HMGA2: variants seen among roughly 807,000 people sequenced by gnomAD.
HMGA2 encodes the protein high mobility group AT-hook 2.
HMGA2 carries 8 observed loss-of-function variants against 19.1 expected under a neutral mutation model. The observed-to-expected ratio is 0.42, with a 90% CI of 0.25 to 0.76. HMGA2 has a LOEUF of 0.76. Ranked by LOEUF, HMGA2 falls within the 30% of genes least tolerant of loss-of-function variation. The pLI, the probability that HMGA2 is intolerant of heterozygous loss-of-function variation, is 0.28. For missense variants in HMGA2, 109 were observed against 136.3 expected, an observed-to-expected ratio of 0.80 and a Z score of 1.00; for synonymous variants, 60 against 48.8, an observed-to-expected ratio of 1.23 and a Z score of -0.96.
At chr12:65,880,757 T>C (rs987381094) in intron 3 of HMGA2, among the ~76,000 whole-genome samples, 1 of 152,136 alleles carries the variant, frequency 6.6e-6, no homozygotes, top group Non-Finnish European at 1.5e-5. Context: ...GGAGTCTAGG[T>C]CTTGGGGTTT....
At chr12:65,946,174 A>G (rs1876257243) in intron 3 of HMGA2, among the ~76,000 whole-genome samples, 1 of 152,188 alleles carries the variant, frequency 6.6e-6, no homozygotes. Context: ...TAGCTAGAAG[A>G]TCTGTCTTAT....
intron 3 of HMGA2, among the ~76,000 whole-genome samples, chr12:65,916,245 A>AT: frequency 6.6e-6 from 1 of 152,206 alleles, no homozygotes; most frequent in Admixed American, 6.5e-5. Flanking sequence ...AGGTATTCTT[A>AT]CATTCATCTC....
intron 3 of HMGA2, chr12:65,914,975 T>TA: frequency 6.9e-6 from 11 of 1,587,054 alleles, no homozygotes; most frequent in Non-Finnish European, 9.5e-6. Context: ...GTGCCTGGTC[T>TA]AAAAAATGTC....
chr12:65,836,270 A>C (rs1237011942), intron 2 of HMGA2, among the ~76,000 whole-genome samples: 1 of 152,032 alleles, frequency 6.6e-6, no homozygotes, highest in Non-Finnish European at 1.5e-5. Flanking sequence ...GAGGCAGGAG[A>C]ATGGAGTGAA....
At chr12:65,829,211 A>C (rs892033711) in intron 2 of HMGA2, among the ~76,000 whole-genome samples, 43 of 152,128 alleles carry the variant, frequency 2.8e-4, no homozygotes, top group African/African-American at 1.0e-3. Context: ...ATATAAAGTT[A>C]TTTAGGAAGT....
rs181133325 is a variant in HMGA2 at position 65,916,645 on chromosome 12, T to A, written c.250-34738T>A. ...GGATGTGCAGGATGCCCCAAGAAGC[T>A]TTTCCTGTTTACTACTTTTTTGAGT... On this transcript the variant is annotated intron_variant, in intron 3 of 4. Coordinates refer to ENST00000403681, the MANE Select transcript of HMGA2 (RefSeq NM_003483.6). Among the ~76,000 whole-genome samples, 24 of 152,334 alleles carry A rather than the reference T, an allele frequency of 1.6e-4. No homozygotes were observed. In the East Asian group the frequency reaches 3.1e-3, roughly 20 times the overall value.
chr12:65,830,710 A>G (rs1157787120), intron 2 of HMGA2: 2 of 151,978 alleles, frequency 1.3e-5, no homozygotes, highest in African/African-American at 4.8e-5. Flanking sequence ...GAAAATTAAC[A>G]GTGTGAAACT....
chr12:65,869,476 A>G (rs1213210359), intron 3 of HMGA2, among the ~76,000 whole-genome samples: 2 of 152,308 alleles, frequency 1.3e-5, no homozygotes, highest in Middle Eastern at 3.4e-3. Context: ...AAAGTCAAAG[A>G]GGGTGCTGTC....
chr12:65,829,105 T>C (rs1025919807), intron 2 of HMGA2: 2 of 152,176 alleles, frequency 1.3e-5, no homozygotes, highest in African/African-American at 4.8e-5. Context: ...AAGGACTATA[T>C]GCTCATCGTT....
intron 3 of HMGA2, among the ~76,000 whole-genome samples, chr12:65,938,995 A>G (rs565922798): frequency 5.3e-5 from 8 of 152,322 alleles, no homozygotes; most frequent in African/African-American, 1.7e-4. Context: ...GCACTCTTTT[A>G]TGAGATATAT....
At chr12:65,828,187 C>A in intron 2 of HMGA2, 100 bp downstream of exon 2, 1 of 861,074 alleles carries the variant, frequency 1.2e-6, no homozygotes. Flanking sequence ...AGGAATTTGT[C>A]CCAACTGGGT....
In HMGA2 at chr12:65,840,480, A is replaced by G. The variant is rs139737979; in HGVS notation, c.249+1911A>G. 9.8e-5 allele frequency among the ~76,000 whole-genome samples: 15 copies of G among 152,294 alleles called. No homozygotes were observed. In the East Asian group the frequency reaches 2.5e-3, roughly 25 times the overall value. On this transcript the variant is annotated intron_variant, in intron 3 of 4. Transcript: ENST00000403681. ...GGAGTGCGTGCACTGGATCACCCAT[A>G]CATGGCCTCCCCAGGATAATCAGGC...
At chr12:65,950,151 C>G (rs1324154782) in intron 3 of HMGA2, among the ~76,000 whole-genome samples, 1 of 152,168 alleles carries the variant, frequency 6.6e-6, no homozygotes, top group Non-Finnish European at 1.5e-5. Flanking sequence ...TGTCTGGCAG[C>G]TCCTCAAAAA....
At chr12:65,860,587 G>T (rs1013311753) in intron 3 of HMGA2, among the ~76,000 whole-genome samples, 2 of 152,156 alleles carry the variant, frequency 1.3e-5, no homozygotes, top group Non-Finnish European at 2.9e-5. Context: ...TAGGACTGTG[G>T]TATACAGTAA....
In HMGA2 at chr12:65,935,027, C is replaced by T. The variant is rs544490900; in HGVS notation, c.250-16356C>T. The T allele has an allele frequency of 2.6e-5, 4 of 152,370 alleles. No individual in the cohort carries two copies. The South Asian group carries it at 8.3e-4, about 32-fold the overall frequency. The allele number at this position is 152,370 out of a possible 1,614,324, so 9.4% of individuals were successfully genotyped here. A position where few individuals can be genotyped will look rare whatever the true frequency, so the allele number is the denominator to read the frequency against. On this transcript the variant is annotated intron_variant, in intron 3 of 4. Transcript: ENST00000403681. ...AGAGCAACCAAACCCTCCCATGTAACCCTGTCACCACAGCTCAAAGGGAGG... is the reference window on the plus strand; with the variant it reads ...AGAGCAACCAAACCCTCCCATGTAATCCTGTCACCACAGCTCAAAGGGAGG...
At chr12:65,874,889 T>C (rs2121059709) in intron 3 of HMGA2, among the ~76,000 whole-genome samples, 1 of 152,324 alleles carries the variant, frequency 6.6e-6, no homozygotes, top group South Asian at 2.1e-4. Flanking sequence ...GAGACAGATG[T>C]AGCTCTTTCT....
chr12:65,863,745 T>G (rs1274747101), intron 3 of HMGA2, among the ~76,000 whole-genome samples: 1 of 152,218 alleles, frequency 6.6e-6, no homozygotes. Flanking sequence ...CTAGGGAATG[T>G]TGTCTTTAGA....
chr12:65,942,901 C>T (rs1482427829), intron 3 of HMGA2, among the ~76,000 whole-genome samples: 1 of 152,070 alleles, frequency 6.6e-6, no homozygotes, highest in Non-Finnish European at 1.5e-5. Context: ...AAAAGTGATA[C>T]TTTTCTTCTA....
chr12:65,917,380 C>CA lies in HMGA2; in HGVS notation c.250-33999dup, dbSNP rs528811534. ...TGACAGCTTCCATAAAAGCAAATGA[C>CA]AAAAGCTAGGACTGCAGAGAGGTGA... On this transcript the variant is annotated intron_variant, in intron 3 of 4. Transcript: ENST00000403681. 3.8e-3 allele frequency among the ~76,000 whole-genome samples: 572 copies of CA among 152,246 alleles called. 1 individual carries two copies. Among genetic ancestry groups the CA allele is most frequent in the African/African-American group, 0.013 (551 of 41,552 alleles).
Sources: allele counts gnomAD v4.1 joint callset (sites outside exome capture counted in the v4.1 genomes callset), GRCh38; gene constraint gnomAD v4.1.1; transcripts MANE v1.5; gene names NCBI Gene and HGNC (gene_info 2026-07-23, HGNC 2026-07-21).